The following KMT2E variants were observed in gnomAD, a reference collection of about 807,000 sequenced individuals.
The protein encoded by KMT2E is histone reader KMT2E.
KMT2E carries 30 observed loss-of-function variants against 184.6 expected under a neutral mutation model. The observed-to-expected ratio is 0.16, with a 90% confidence interval of 0.12 to 0.22. The LOEUF (loss-of-function observed/expected upper bound fraction) is 0.22. Among genes scored for constraint, KMT2E ranks in the 10% least tolerant of loss-of-function variants. The pLI, the probability that KMT2E is intolerant of heterozygous loss-of-function variation, is 1.00. For missense variants in KMT2E, 2,023 were observed against 2,237.4 expected, an observed-to-expected ratio of 0.90 and a Z score of 1.93; for synonymous variants, 815 against 776.5, an observed-to-expected ratio of 1.05 and a Z score of -0.82.
At chr7:105,074,619 C>T in intron 7 of KMT2E, 24 bp from the exon 8 acceptor site, 1 of 1,445,366 alleles carries the variant, frequency 6.9e-7, no homozygotes, top group Non-Finnish European at 9.2e-7. Context: ...ATTAAATGTG[C>T]AATAATTTTT....
chr7:105,078,884 G>T lies in KMT2E; in HGVS notation c.1169G>T (p.Gly390Val), dbSNP rs2129568213. 6.2e-7 allele frequency: 1 copy of T among 1,607,930 alleles called. No homozygotes were observed. Among genetic ancestry groups the T allele is most frequent in the South Asian group, 1.1e-5 (1 of 90,956 alleles). ...GTGTTATTCTACTCTAAATTTCATG[G>T]GCTAGAAATGTGTGTTGATGCAAGG... Reference protein sequence around the residue: ...PFVLFYSKFHGLEMCVDARTF... With the variant: ...PFVLFYSKFHVLEMCVDARTF... The change falls in exon 12 of 27, where the codon GGG becomes GTG. Residue 390 changes from glycine to valine, a missense_variant. Coordinates refer to ENST00000311117, the MANE Select transcript of KMT2E (RefSeq NM_182931.3).
intron 6 of KMT2E, 121 bp downstream of exon 6, chr7:105,066,928 A>T: frequency 2.8e-6 from 2 of 719,688 alleles, no homozygotes; most frequent in South Asian, 3.1e-5. Context: ...ATGGTGGCTC[A>T]TGCCTGTAGT....
At chr7:105,040,688 C>G (rs949121242) in intron 2 of KMT2E, among the ~76,000 whole-genome samples, 151 bp from the exon 3 acceptor site, 3 of 152,164 alleles carry the variant, frequency 2.0e-5, no homozygotes, top group African/African-American at 7.2e-5. Context: ...TGATCATGAT[C>G]ACATAACTCA....
At chr7:105,044,612 A>G (rs1324332549) in intron 3 of KMT2E, among the ~76,000 whole-genome samples, 1 of 151,976 alleles carries the variant, frequency 6.6e-6, no homozygotes, top group African/African-American at 2.4e-5. Context: ...TCTATAAAAT[A>G]CCTCCTAGGA....
At chr7:105,056,182 T>G (rs1229086320) in intron 3 of KMT2E, among the ~76,000 whole-genome samples, 3 of 152,174 alleles carry the variant, frequency 2.0e-5, no homozygotes, top group Admixed American at 1.3e-4. Context: ...CTATTTAATT[T>G]GGAGCTAGGA....
intron 17 of KMT2E, chr7:105,103,392 C>G (rs1003494421): frequency 6.6e-6 from 1 of 152,154 alleles, no homozygotes; most frequent in Non-Finnish European, 1.5e-5. Flanking sequence ...AGGCCTCATT[C>G]AGTTTAATAA....
At chr7:105,099,242 G>A (rs1798549922) in intron 15 of KMT2E, among the ~76,000 whole-genome samples, 1 of 152,208 alleles carries the variant, frequency 6.6e-6, no homozygotes, top group African/African-American at 2.4e-5. Flanking sequence ...CTGTAGTAAT[G>A]TAGGAAGAGT....
intron 6 of KMT2E, among the ~76,000 whole-genome samples, chr7:105,071,608 A>ATATATATATATTTT (rs1304883029): frequency 1.9e-4 from 6 of 31,876 alleles, no homozygotes; most frequent in Non-Finnish European, 3.2e-4. Flanking sequence ...ATATATATAT[A>ATATATATATATTTT]TTTTTTTTTT....
intron 13 of KMT2E, among the ~76,000 whole-genome samples, chr7:105,085,248 AACAATAAT>A (rs1213929195): frequency 6.6e-6 from 1 of 152,216 alleles, no homozygotes; most frequent in Non-Finnish European, 1.5e-5. Flanking sequence ...GAAAAATGTA[AACAATAAT>A]ACAAACACCC....
intron 4 of KMT2E, among the ~76,000 whole-genome samples, chr7:105,063,149 T>G (rs1202258077): frequency 6.6e-6 from 1 of 152,046 alleles, no homozygotes; most frequent in African/African-American, 2.4e-5. Flanking sequence ...ACTCCCACTT[T>G]GTAGATAGAT....
intron 17 of KMT2E, chr7:105,103,711 T>C (rs964734122): frequency 6.6e-6 from 1 of 151,946 alleles, no homozygotes; most frequent in Admixed American, 6.6e-5. Context: ...GTGGTTACCT[T>C]TGGAAAAAAG....
At chr7:105,047,762 C>G (rs751323358) in intron 3 of KMT2E, among the ~76,000 whole-genome samples, 2 of 152,216 alleles carry the variant, frequency 1.3e-5, no homozygotes, top group Admixed American at 6.5e-5. Context: ...CTTTTTCTCA[C>G]TAAACCAGTG....
chr7:105,080,056 A>T (rs2129568296), intron 12 of KMT2E, among the ~76,000 whole-genome samples: 1 of 151,858 alleles, frequency 6.6e-6, no homozygotes, highest in Admixed American at 6.6e-5. Context: ...TATGTTGTCC[A>T]GACTGGTCTG....
intron 14 of KMT2E, 74 bp from the exon 15 acceptor site, chr7:105,091,141 AT>A: frequency 1.5e-6 from 1 of 674,228 alleles, no homozygotes; most frequent in South Asian, 1.9e-5. Flanking sequence ...GTTGAAAGAC[AT>A]TAAAATAGTT....
chr7:105,112,793 A>ACCCCCC lies in KMT2E; in HGVS notation c.5042_5043insCCCCCC (p.Pro1683_Pro1684dup), dbSNP rs756965907. The ACCCCCC allele has an allele frequency of 1.7e-4, 82 of 470,458 alleles. No individual in the cohort carries two copies. The highest frequency in any genetic ancestry group is 7.1e-4 in the South Asian group (23 of 32,364). The allele number at this position is 470,458 out of a possible 1,614,324, so 29.1% of individuals were successfully genotyped here. A position where few individuals can be genotyped will look rare whatever the true frequency, so the allele number is the denominator to read the frequency against. The stretch of plus-strand genomic sequence containing the variant: ...AAACTGCTGGACACCACTTACCCCC[A>ACCCCCC]CCCCCACCCCCTCCTGGTCCTGCCC... On this transcript the variant is annotated inframe_insertion, in exon 27 of 27. Transcript: ENST00000311117.
chr7:105,095,957 A>G (rs1030222683), intron 15 of KMT2E, among the ~76,000 whole-genome samples: 4 of 152,078 alleles, frequency 2.6e-5, no homozygotes, highest in African/African-American at 9.7e-5. Flanking sequence ...AGATTTAAAT[A>G]CTAAAAGAGA....
intron 1 of KMT2E, among the ~76,000 whole-genome samples, chr7:105,015,952 G>A (rs1388692766): frequency 6.6e-6 from 1 of 150,392 alleles, no homozygotes; most frequent in Admixed American, 6.6e-5. Context: ...CAGTGGTGAT[G>A]ATGGGTGCGC....
At chr7:105,106,058 A>C in intron 19 of KMT2E, 55 bp downstream of exon 19, 5 of 1,503,258 alleles carry the variant, frequency 3.3e-6, no homozygotes, top group Non-Finnish European at 4.5e-6. Context: ...GCATACATAC[A>C]GCTTTATAAC....
chr7:105,066,819 A>C lies in KMT2E; in HGVS notation c.497+12A>C, dbSNP rs749595099. On this transcript the variant is annotated intron_variant, in intron 6 of 26. Coordinates refer to ENST00000311117, the MANE Select transcript of KMT2E (RefSeq NM_182931.3). The stretch of plus-strand genomic sequence containing the variant: ...CGTTGTCAGCCTAGGTAAGTTGCAC[A>C]TATCTGATAACATTGCCAGTAATTT... 1 of 1,559,496 alleles carries C rather than the reference A, an allele frequency of 6.4e-7. No homozygotes were observed. Among genetic ancestry groups the C allele is most frequent in the Non-Finnish European group, 8.8e-7 (1 of 1,130,670 alleles).
Sources: allele counts gnomAD v4.1 joint callset (sites outside exome capture counted in the v4.1 genomes callset), GRCh38; gene constraint gnomAD v4.1.1; transcripts MANE v1.5; gene names NCBI Gene and HGNC (gene_info 2026-07-23, HGNC 2026-07-21).